Variants in PLCB1 observed in about 807,000 individuals in gnomAD.
PLCB1 encodes the protein phospholipase C beta 1.
In PLCB1, 46 loss-of-function variants were observed where a neutral mutation model predicts 161.8. The observed-to-expected ratio is 0.28, with a 90% CI of 0.22 to 0.36. PLCB1 has a LOEUF of 0.36. PLCB1 is among the 10% of genes least tolerant of loss of function. The probability of loss-of-function intolerance (pLI) is 1.00; values close to 1 mark genes in which losing one functional copy is unlikely to be tolerated. For synonymous variants in PLCB1, 517 were observed against 503.7 expected (o/e 1.03, Z -0.35); for missense variants, 1,016 against 1,472.5 (o/e 0.69, Z 5.07).
intron 31 of PLCB1, chr20:8,802,406 T>C: frequency 2.2e-6 from 1 of 452,178 alleles, no homozygotes; most frequent in Non-Finnish European, 3.8e-6. Context: ...TAAATCTCAT[T>C]CTTCCATATT....
chr20:8,495,996 C>T (rs142454173), intron 3 of PLCB1, among the ~76,000 whole-genome samples: 204 of 152,282 alleles, frequency 1.3e-3, no homozygotes, highest in African/African-American at 4.8e-3. Flanking sequence ...TCCATGTTTT[C>T]TGGCAGCCTC....
intron 10 of PLCB1, among the ~76,000 whole-genome samples, chr20:8,689,123 T>A (rs1990419132): frequency 6.6e-6 from 1 of 151,860 alleles, no homozygotes; most frequent in Non-Finnish European, 1.5e-5. Context: ...AAGGGTTGAG[T>A]TCTTGATTTG....
At chr20:8,757,688 T>C (rs1439353483) in intron 24 of PLCB1, among the ~76,000 whole-genome samples, 1 of 152,084 alleles carries the variant, frequency 6.6e-6, no homozygotes, top group Non-Finnish European at 1.5e-5. Flanking sequence ...ATTGTCCCCA[T>C]TGTGCAGATG....
At chr20:8,242,169 G>A (rs1980647757) in intron 2 of PLCB1, among the ~76,000 whole-genome samples, 1 of 151,754 alleles carries the variant, frequency 6.6e-6, no homozygotes, top group Admixed American at 6.6e-5. Context: ...TGTTGTTGTT[G>A]TTTTTATTTT....
chr20:8,196,518 T>C (rs1340998971), intron 2 of PLCB1, among the ~76,000 whole-genome samples: 2 of 151,910 alleles, frequency 1.3e-5, no homozygotes, highest in African/African-American at 4.8e-5. Flanking sequence ...GTAGGTGTTC[T>C]TACTAGCTGG....
At position 8,382,256 on chromosome 20, in the gene PLCB1, T is replaced by C. The variant is rs183130817; in HGVS notation, c.246+10806T>C. 3.0e-3 allele frequency among the ~76,000 whole-genome samples: 452 copies of C among 151,826 alleles called. 2 individuals carry two copies. Among genetic ancestry groups the C allele is most frequent in the African/African-American group, 0.011 (437 of 41,448 alleles). ...GCAGGTTGTTCAATTTCCATGTAAT[T>C]GTGTGGTTTTGAGTGAGTTTCTTTT... On this transcript the variant is annotated intron_variant, in intron 3 of 31. Transcript: ENST00000338037.
chr20:8,871,480 C>A (rs1371095902), intron 31 of PLCB1, among the ~76,000 whole-genome samples: 1 of 152,174 alleles, frequency 6.6e-6, no homozygotes, highest in Non-Finnish European at 1.5e-5. Context: ...CTTAAGGCTA[C>A]AATACAGTCT....
chr20:8,869,856 G>C (rs1987553143), intron 31 of PLCB1, among the ~76,000 whole-genome samples: 1 of 152,158 alleles, frequency 6.6e-6, no homozygotes, highest in Non-Finnish European at 1.5e-5. Flanking sequence ...GGATGTTGAT[G>C]AATCTAGGAT....
At chr20:8,722,212 T>C (rs926269127) in intron 14 of PLCB1, 142 bp from the exon 15 acceptor site, 1 of 572,538 alleles carries the variant, frequency 1.7e-6, no homozygotes, top group Non-Finnish European at 3.0e-6. Context: ...CGAATAAAAT[T>C]TAAATCCTTG....
At chr20:8,800,635 AG>A (rs1169349838) in intron 31 of PLCB1, among the ~76,000 whole-genome samples, 6 of 152,180 alleles carry the variant, frequency 3.9e-5, no homozygotes, top group African/African-American at 1.4e-4. Context: ...TACATAAGAG[AG>A]AATAGAAAAT....
intron 3 of PLCB1, among the ~76,000 whole-genome samples, chr20:8,453,006 G>A (rs187392233): frequency 3.3e-5 from 5 of 152,290 alleles, no homozygotes; most frequent in Admixed American, 2.0e-4. Context: ...TATTTTAAAC[G>A]TAGGTACAAA....
chr20:8,709,501 G>A (rs1453408772), intron 12 of PLCB1, among the ~76,000 whole-genome samples: 1 of 152,116 alleles, frequency 6.6e-6, no homozygotes, highest in Middle Eastern at 3.2e-3. Context: ...TCAACTAAAA[G>A]CCAGCAGCAC....
At chr20:8,809,392 C>T (rs1984700589) in intron 31 of PLCB1, among the ~76,000 whole-genome samples, 1 of 152,176 alleles carries the variant, frequency 6.6e-6, no homozygotes. Context: ...ATCTTTACAT[C>T]TACTACGCAC....
intron 1 of PLCB1, among the ~76,000 whole-genome samples, chr20:8,137,419 G>A (rs1050765062): frequency 1.3e-5 from 2 of 152,168 alleles, no homozygotes; most frequent in Non-Finnish European, 2.9e-5. Context: ...AAAGTGCAAG[G>A]TGGATTTTAG....
intron 12 of PLCB1, among the ~76,000 whole-genome samples, chr20:8,712,378 C>T (rs749735023): frequency 6.6e-6 from 1 of 152,128 alleles, no homozygotes; most frequent in Non-Finnish European, 1.5e-5. Context: ...TATCTGAAGT[C>T]ACCTATCCAT....
intron 31 of PLCB1, among the ~76,000 whole-genome samples, chr20:8,871,667 A>G (rs1324061188): frequency 6.6e-6 from 1 of 152,210 alleles, no homozygotes; most frequent in Non-Finnish European, 1.5e-5. Context: ...TGACAAATGC[A>G]TCAAAATCAA....
chr20:8,785,791 C>T (rs6039268), intron 27 of PLCB1, among the ~76,000 whole-genome samples: 87,942 of 151,866 alleles, frequency 0.58, 25,840 homozygotes, highest in South Asian at 0.7. Flanking sequence ...AGGCAGTAGG[C>T]GGAAGGGAAA....
chr20:8,725,917 A>G lies in PLCB1; in HGVS notation c.1678+1165A>G, dbSNP rs117659143. 1.8e-3 allele frequency among the ~76,000 whole-genome samples: 274 copies of G among 152,258 alleles called. 1 individual carries two copies. Among genetic ancestry groups the G allele is most frequent in the Non-Finnish European group, 2.9e-3 (197 of 67,986 alleles). On this transcript the variant is annotated intron_variant, in intron 16 of 31. Coordinates refer to ENST00000338037, the MANE Select transcript of PLCB1 (RefSeq NM_015192.4). Reference sequence around the variant, plus strand: ...TATAACCTTGAAAAAAGAATATTCAACATATTTTACCAAGTACCTATTAAT... The same window carrying G: ...TATAACCTTGAAAAAAGAATATTCAGCATATTTTACCAAGTACCTATTAAT...
intron 3 of PLCB1, among the ~76,000 whole-genome samples, chr20:8,416,100 A>AAAACACAC: frequency 6.6e-6 from 1 of 152,348 alleles, no homozygotes; most frequent in South Asian, 2.1e-4. Context: ...AGGAATCTCC[A>AAAACACAC]AAACACAGGT....
Sources: allele counts gnomAD v4.1 joint callset (sites outside exome capture counted in the v4.1 genomes callset), GRCh38; gene constraint gnomAD v4.1.1; transcripts MANE v1.5; gene names NCBI Gene and HGNC (gene_info 2026-07-23, HGNC 2026-07-21).